The following CECR2 variants were observed in gnomAD, a reference collection of about 807,000 sequenced individuals.
The protein encoded by CECR2 is chromatin remodeling regulator CECR2.
Under a neutral mutation model 154.5 loss-of-function variants are expected in CECR2, and 30 were observed. The ratio of observed to expected loss-of-function variants is 0.19; its 90% confidence interval spans 0.15 to 0.26. The LOEUF is 0.26. Among genes scored for constraint, CECR2 ranks in the 10% least tolerant of loss-of-function variants. CECR2 has a pLI of 1.00. For synonymous variants in CECR2, 725 were observed against 683.7 expected, an observed-to-expected ratio of 1.06 and a Z score of -0.94; for missense variants, 1,743 against 1,829.3, an observed-to-expected ratio of 0.95 and a Z score of 0.86.
At chr22:17,363,359 C>G (rs1008720797) in intron 1 of CECR2, among the ~76,000 whole-genome samples, 3 of 152,064 alleles carry the variant, frequency 2.0e-5, no homozygotes, top group Admixed American at 6.6e-5. Context: ...GTGCCCACCA[C>G]CATGCCCAGC....
intron 12 of CECR2, 22 bp downstream of exon 12, chr22:17,538,753 A>T: frequency 6.4e-7 from 1 of 1,574,140 alleles, no homozygotes; most frequent in Non-Finnish European, 8.7e-7. Context: ...CTTTGCAGTA[A>T]TGCCTACTAT....
intron 5 of CECR2, among the ~76,000 whole-genome samples, chr22:17,501,195 G>A (rs2055731890): frequency 1.3e-5 from 2 of 152,086 alleles, no homozygotes; most frequent in Non-Finnish European, 2.9e-5. Flanking sequence ...TTGAAGTGAG[G>A]CTGTATTCTT....
At chr22:17,521,017 C>G (rs62239344) in intron 8 of CECR2, among the ~76,000 whole-genome samples, 4 of 152,128 alleles carry the variant, frequency 2.6e-5, no homozygotes, top group African/African-American at 7.2e-5. Context: ...AATTGTCACA[C>G]TGTCTTCCCC....
chr22:17,545,212 TAA>T lies in CECR2; in HGVS notation c.2860+2213_2860+2214del, dbSNP rs2056592207. ...CAACATGGTGAAATCTTTTCCCTAC[TAA>T]AAATACAAAAATTAGCCGGACGTGA... On this transcript the variant is annotated intron_variant, in intron 16 of 18. Coordinates refer to ENST00000262608, the MANE Select transcript of CECR2 (RefSeq NM_001290047.2). Among the ~76,000 whole-genome samples the T allele has an allele frequency of 3.3e-5, 5 of 151,302 alleles. No individual in the cohort carries two copies. In the South Asian group the frequency reaches 1.0e-3, roughly 32 times the overall value.
chr22:17,530,546 G>A (rs938692726), intron 9 of CECR2, among the ~76,000 whole-genome samples: 7 of 151,844 alleles, frequency 4.6e-5, no homozygotes, highest in African/African-American at 1.2e-4. Flanking sequence ...GCATGGTGGC[G>A]TGCACCTGTA....
chr22:17,477,139 G>C (rs1284162988), intron 1 of CECR2: 1 of 726,024 alleles, frequency 1.4e-6, no homozygotes, highest in South Asian at 1.5e-5. Context: ...AGCTGTTGCA[G>C]ATGGTTTATC....
At chr22:17,414,126 C>CA (rs2054113525) in intron 1 of CECR2, among the ~76,000 whole-genome samples, 1 of 151,868 alleles carries the variant, frequency 6.6e-6, no homozygotes, top group Non-Finnish European at 1.5e-5. Context: ...GTGCCTGCCA[C>CA]CACGCCTGGC....
intron 1 of CECR2, among the ~76,000 whole-genome samples, chr22:17,409,156 CG>C (rs900728963): frequency 6.6e-6 from 1 of 151,138 alleles, no homozygotes; most frequent in African/African-American, 2.4e-5. Context: ...GTTTTTGAGA[CG>C]GAGTCTCACT....
rs1227203819 is a variant in CECR2 at position 17,554,065 on chromosome 22, C to G, written c.*1225C>G. 1 of 152,084 alleles carries G rather than the reference C, an allele frequency of 6.6e-6. No individual in the cohort carries two copies. Among genetic ancestry groups the G allele is most frequent in the Non-Finnish European group, 1.5e-5 (1 of 67,992 alleles). 9.4% of individuals were successfully genotyped at this position (152,084 alleles called of 1,614,324 possible). The stretch of plus-strand genomic sequence containing the variant: ...GGTGATTTAAAATAGCTATCAAGAA[C>G]AAGTTCTTGGAATTATCTGTTGTAT... On this transcript the variant is annotated 3_prime_UTR_variant, in exon 19 of 19. Transcript: ENST00000262608.
chr22:17,385,161 TCC>T (rs2063244053), intron 1 of CECR2, among the ~76,000 whole-genome samples: 1 of 152,212 alleles, frequency 6.6e-6, no homozygotes, highest in Admixed American at 6.5e-5. Flanking sequence ...TCAGACTTTC[TCC>T]TTATCAGTAA....
At chr22:17,424,952 C>T (rs559789148) in intron 1 of CECR2, among the ~76,000 whole-genome samples, 10 of 152,138 alleles carry the variant, frequency 6.6e-5, no homozygotes, top group South Asian at 2.1e-4. Context: ...ACAGAGAGGT[C>T]GAAGACAAGG....
rs1346379977 is a variant in CECR2, at chr22:17,469,355, G to A, written c.127-8233G>A. 3.9e-5 allele frequency among the ~76,000 whole-genome samples: 6 copies of A among 152,126 alleles called. No homozygotes were observed. In the East Asian group the frequency reaches 5.8e-4, roughly 15 times the overall value. The stretch of plus-strand genomic sequence containing the variant: ...CAGCAGTACTTTTCATGGTCCTCAC[G>A]TTTACCTGCCATTCAACACACACCA... On this transcript the variant is annotated intron_variant, in intron 1 of 18. Coordinates refer to ENST00000262608, the MANE Select transcript of CECR2 (RefSeq NM_001290047.2).
chr22:17,504,451 A>G (rs998720750), intron 6 of CECR2, among the ~76,000 whole-genome samples: 1 of 151,424 alleles, frequency 6.6e-6, no homozygotes, highest in Non-Finnish European at 1.5e-5. Flanking sequence ...TTATTTATTT[A>G]TTTGAGACGG....
At chr22:17,464,219 A>G (rs2054989844) in intron 1 of CECR2, among the ~76,000 whole-genome samples, 1 of 152,080 alleles carries the variant, frequency 6.6e-6, no homozygotes, top group South Asian at 2.1e-4. Context: ...TGAGACAGGT[A>G]ATTGCTTAGG....
At chr22:17,375,238 C>G (rs142644867) in intron 1 of CECR2, among the ~76,000 whole-genome samples, 3,216 of 152,134 alleles carry the variant, frequency 0.021, 56 homozygotes, top group Non-Finnish European at 0.027. Flanking sequence ...CTCAGCCTCC[C>G]AAGTAGCTGG....
chr22:17,369,898 T>A lies in CECR2; in HGVS notation c.115T>A (p.Phe39Ile), dbSNP rs1336198407. The A allele has an allele frequency of 1.3e-5, 2 of 151,044 alleles. No homozygotes were observed. The highest frequency in any genetic ancestry group is 4.8e-5 in the African/African-American group (2 of 41,294). 9.4% of individuals were successfully genotyped at this position (151,044 alleles called of 1,614,324 possible). Residue 39 changes from phenylalanine (F) to isoleucine (I), a missense_variant, in exon 1 of 19, where the codon TTC becomes ATC. This residue lies in a region of CECR2 where 98 missense variants were observed against 169.3 expected (regional missense o/e 0.58). Transcript: ENST00000262608. ...TCGCACCGCGTTCCGCCTGCCCGAC[T>A]TCGAGATCGAGGTGAGTGGCCGCGC... ...LFRTAFRLPD[F>I]EIEELEAALH...
chr22:17,434,388 T>A (rs1465477360), intron 1 of CECR2, among the ~76,000 whole-genome samples: 1 of 152,188 alleles, frequency 6.6e-6, no homozygotes, highest in Non-Finnish European at 1.5e-5. Flanking sequence ...CCTTGGATTG[T>A]TTAATTTGAA....
chr22:17,410,474 GTCTC>G (rs2054051963), intron 1 of CECR2, among the ~76,000 whole-genome samples: 1 of 151,892 alleles, frequency 6.6e-6, no homozygotes, highest in East Asian at 1.9e-4. Flanking sequence ...TTTTGAGACA[GTCTC>G]TCTCTGTCGC....
At chr22:17,465,156 C>T (rs2055008737) in intron 1 of CECR2, among the ~76,000 whole-genome samples, 1 of 151,180 alleles carries the variant, frequency 6.6e-6, no homozygotes, top group Non-Finnish European at 1.5e-5. Context: ...ACCACCACGC[C>T]CGGCTAAGTT....
Sources: gnomAD v4.1 joint callset for allele counts (sites outside exome capture counted in the v4.1 genomes callset) on GRCh38, gnomAD v4.1.1 for gene constraint, gnomAD v4.1.1 regional missense constraint, MANE v1.5 for transcripts, NCBI Gene and HGNC (gene_info 2026-07-23, HGNC 2026-07-21) for gene names.